Variants in SLC38A9 observed in about 807,000 individuals in gnomAD.
SLC38A9 encodes the protein solute carrier family 38 member 9, also known as neutral amino acid transporter 9.
Under a neutral mutation model 62.3 loss-of-function variants are expected in SLC38A9, and 48 were observed. The ratio of observed to expected loss-of-function variants is 0.77; its 90% CI spans 0.61 to 0.98. The LOEUF is 0.98. SLC38A9 is among the 50% of genes least tolerant of loss of function. The pLI is 0.00. For synonymous variants in SLC38A9, 204 were observed against 227.7 expected (o/e 0.90, Z 0.94); for missense variants, 541 against 679.8 (o/e 0.80, Z 2.27).
intron 3 of SLC38A9, among the ~76,000 whole-genome samples, chr5:55,690,411 G>A (rs1390351129): frequency 6.6e-6 from 1 of 152,178 alleles, no homozygotes. Context: ...GGAGAGAAGA[G>A]AGGGAGGCCC....
intron 15 of SLC38A9, 84 bp from the exon 16 acceptor site, chr5:55,626,743 C>T (rs991874734): frequency 2.4e-6 from 3 of 1,240,048 alleles, no homozygotes; most frequent in Non-Finnish European, 3.2e-6. Flanking sequence ...AATTTAAATC[C>T]TCCTCAGTCT....
At chr5:55,657,119 C>T (rs1748599008) in intron 8 of SLC38A9, among the ~76,000 whole-genome samples, 1 of 152,136 alleles carries the variant, frequency 6.6e-6, no homozygotes, top group Admixed American at 6.5e-5. Flanking sequence ...CCTCGGCCTC[C>T]CAAAGTCAGT....
At chr5:55,708,937 A>C (rs1196645738) in intron 2 of SLC38A9, among the ~76,000 whole-genome samples, 1 of 152,220 alleles carries the variant, frequency 6.6e-6, no homozygotes. Flanking sequence ...GCCAACATAA[A>C]AGCAAATGGA....
At chr5:55,708,294 C>T (rs1757560061) in intron 2 of SLC38A9, among the ~76,000 whole-genome samples, 1 of 152,216 alleles carries the variant, frequency 6.6e-6, no homozygotes, top group Admixed American at 6.5e-5. Context: ...GGCACCACTG[C>T]ATTCCAGCCC....
At chr5:55,674,760 G>T (rs1191143882) in intron 3 of SLC38A9, among the ~76,000 whole-genome samples, 3 of 152,182 alleles carry the variant, frequency 2.0e-5, no homozygotes, top group Non-Finnish European at 4.4e-5. Flanking sequence ...TAATAAAAAT[G>T]AATGGATCAG....
chr5:55,633,005 TCTC>T (rs1743761921), intron 14 of SLC38A9, among the ~76,000 whole-genome samples: 1 of 151,200 alleles, frequency 6.6e-6, no homozygotes, highest in African/African-American at 2.5e-5. Flanking sequence ...ATATGCCTTT[TCTC>T]CTTTTTTTTT....
chr5:55,671,161 C>T (rs183792414), intron 4 of SLC38A9, among the ~76,000 whole-genome samples: 1,875 of 150,970 alleles, frequency 0.012, 12 homozygotes, highest in Non-Finnish European at 0.02. Context: ...ATCTCATATG[C>T]GGTAGTTTTT....
In SLC38A9 at chr5:55,652,578, T is replaced by A. The variant is rs765006342; in HGVS notation, c.903A>T (p.Pro301=). The A allele has an allele frequency of 1.5e-5, 24 of 1,610,016 alleles. No individual in the cohort carries two copies. The highest frequency in any genetic ancestry group is 2.0e-5 in the Non-Finnish European group (24 of 1,177,932). ...ATGAAGGAGACTTGAAATTGAGCAG[T>A]GGGAGGAGGAGCCCTACAAGATAAA... ...VPFYLVGLLL[P]LLNFKSPSFF... is the part of the protein sequence containing the mutation. Residue 301 remains proline (P), a synonymous_variant, in exon 10 of 16, where the codon CCA becomes CCT. Transcript: ENST00000396865.
intron 2 of SLC38A9, among the ~76,000 whole-genome samples, chr5:55,706,953 T>G (rs1034278358): frequency 1.3e-5 from 2 of 152,092 alleles, no homozygotes; most frequent in African/African-American, 4.8e-5. Context: ...TTTCTTTTTT[T>G]TTTTTTGAGA....
At chr5:55,662,039 T>G (rs945374830) in intron 8 of SLC38A9, among the ~76,000 whole-genome samples, 3 of 152,182 alleles carry the variant, frequency 2.0e-5, no homozygotes, top group African/African-American at 7.2e-5. Flanking sequence ...CATAAACTGT[T>G]GGCAGGAGTG....
At chr5:55,634,335 C>G (rs182965083) in intron 13 of SLC38A9, 1 of 153,680 alleles carries the variant, frequency 6.5e-6, no homozygotes, top group East Asian at 1.9e-4. Context: ...CTCTGAAGCA[C>G]TGTAAGCACT....
chr5:55,697,701 T>C (rs1174489677), intron 3 of SLC38A9, 145 bp downstream of exon 3: 3 of 423,850 alleles, frequency 7.1e-6, no homozygotes, highest in Admixed American at 4.4e-5. Flanking sequence ...AGTATTCCTA[T>C]TTACTTCTCT....
At chr5:55,674,962 T>A (rs1245198822) in intron 3 of SLC38A9, among the ~76,000 whole-genome samples, 1 of 152,216 alleles carries the variant, frequency 6.6e-6, no homozygotes, top group Non-Finnish European at 1.5e-5. Context: ...TAGTGCATTC[T>A]CTTTTTGCTT....
At chr5:55,648,839 CAT>C (rs1746862212) in intron 11 of SLC38A9, among the ~76,000 whole-genome samples, 1 of 152,132 alleles carries the variant, frequency 6.6e-6, no homozygotes. Flanking sequence ...ATTAAAATAT[CAT>C]ATGTTCCCCC....
At chr5:55,691,787 A>G (rs894875575) in intron 3 of SLC38A9, among the ~76,000 whole-genome samples, 6 of 152,166 alleles carry the variant, frequency 3.9e-5, no homozygotes, top group African/African-American at 1.4e-4. Context: ...TCAGGGGGAA[A>G]ACTGGTGGGG....
chr5:55,640,449 G>A (rs1023249130), intron 12 of SLC38A9, among the ~76,000 whole-genome samples: 4 of 152,236 alleles, frequency 2.6e-5, no homozygotes, highest in Middle Eastern at 3.4e-3. Flanking sequence ...TATGAAATAC[G>A]GATTTCAAGG....
chr5:55,633,705 A>C, intron 14 of SLC38A9, 49 bp downstream of exon 14: 1 of 1,612,926 alleles, frequency 6.2e-7, no homozygotes. Flanking sequence ...CTGCTTGCAC[A>C]GTCATTTGTT....
chr5:55,650,415 T>C (rs1361644450), intron 10 of SLC38A9, among the ~76,000 whole-genome samples: 1 of 152,176 alleles, frequency 6.6e-6, no homozygotes, highest in Non-Finnish European at 1.5e-5. Flanking sequence ...AAGCAGAATA[T>C]CCTTAAGGAG....
intron 3 of SLC38A9, chr5:55,691,406 T>G: frequency 8.0e-7 from 1 of 1,249,158 alleles, no homozygotes. Flanking sequence ...TGGGTAATAC[T>G]GGGCATACAG....
Sources: gnomAD v4.1 joint callset for allele counts (sites outside exome capture counted in the v4.1 genomes callset) on GRCh38, gnomAD v4.1.1 for gene constraint, MANE v1.5 for transcripts, NCBI Gene and HGNC (gene_info 2026-07-23, HGNC 2026-07-21) for gene names.